SNX15: variants seen among roughly 807,000 people sequenced by gnomAD.
SNX15 encodes sorting nexin 15.
SNX15 carries 29 observed loss-of-function variants against 35.2 expected under a neutral mutation model. The observed-to-expected ratio is 0.82, with a 90% CI of 0.61 to 1.12. The LOEUF (loss-of-function observed/expected upper bound fraction) is 1.12, where lower values mean the gene tolerates loss of function less well. SNX15 is among the 50% of genes most tolerant of loss of function. The probability of loss-of-function intolerance (pLI) is 0.00; values close to 1 mark genes in which losing one functional copy is unlikely to be tolerated. For synonymous variants in SNX15, 189 were observed against 188.2 expected, an observed-to-expected ratio of 1.00 and a Z score of -0.03; for missense variants, 400 against 451.5, an observed-to-expected ratio of 0.89 and a Z score of 1.03.
chr11:65,035,720 GGAGGGCA>G lies in SNX15; in HGVS notation c.664+61_664+67del, dbSNP rs1402074612. ...GGGCAGGACGTCCTTGGGACAGGGA[GGAGGGCA>G]GAGCCCCACTAGCCTGCTCAGTGCC... On this transcript the variant is annotated intron_variant, in intron 6 of 7. Coordinates refer to ENST00000377244, the MANE Select transcript of SNX15 (RefSeq NM_013306.5). The G allele has an allele frequency of 3.9e-6, 6 of 1,543,352 alleles. No individual in the cohort carries two copies. The East Asian group carries it at 1.1e-4, about 29-fold the overall frequency.
intron 1 of SNX15, among the ~76,000 whole-genome samples, chr11:65,028,183 ACAT>A (rs1946396610): frequency 6.6e-6 from 1 of 152,220 alleles, no homozygotes; most frequent in South Asian, 2.1e-4. Context: ...AGCGATAACA[ACAT>A]CATAAGCACA....
At chr11:65,028,917 C>T (rs551287378) in intron 1 of SNX15, among the ~76,000 whole-genome samples, 21 of 151,746 alleles carry the variant, frequency 1.4e-4, no homozygotes, top group Admixed American at 7.9e-4. Context: ...CATGGTGAAA[C>T]CCCATCTCTA....
intron 1 of SNX15, among the ~76,000 whole-genome samples, chr11:65,030,174 G>A (rs1946425012): frequency 6.6e-6 from 1 of 151,836 alleles, no homozygotes; most frequent in South Asian, 2.1e-4. Context: ...GGCCAACATG[G>A]TGAAACCCCG....
In SNX15 at chr11:65,038,447, T is replaced by C. The variant is rs1946528080; in HGVS notation, c.665-125T>C. On this transcript the variant is annotated intron_variant, in intron 6 of 7. Transcript: ENST00000377244. ...TCCACAGACGACTTCTGGATTGCTCTGGCATTGGTCCCCTCTACTGGGGAC... is the reference window on the plus strand; with the variant it reads ...TCCACAGACGACTTCTGGATTGCTCCGGCATTGGTCCCCTCTACTGGGGAC... 6.9e-6 allele frequency: 9 copies of C among 1,298,288 alleles called. No homozygotes were observed. The South Asian group carries it at 1.1e-4, about 16-fold the overall frequency. 80.4% of individuals were successfully genotyped at this position (1,298,288 alleles called of 1,614,324 possible). A position where few individuals can be genotyped will look rare whatever the true frequency, so the allele number is the denominator to read the frequency against.
chr11:65,039,528 C>T (rs915207743), intron 7 of SNX15, among the ~76,000 whole-genome samples, 158 bp from the exon 8 acceptor site: 2 of 152,176 alleles, frequency 1.3e-5, no homozygotes, highest in African/African-American at 4.8e-5. Flanking sequence ...AGCATGGCCT[C>T]AGTTTTCTTA....
intron 1 of SNX15, among the ~76,000 whole-genome samples, chr11:65,028,405 G>A (rs76092837): frequency 0.03 from 4,582 of 152,262 alleles, 97 homozygotes; most frequent in African/African-American, 0.051. Context: ...TTAAGCTGGT[G>A]CATTAGTTAA....
intron 1 of SNX15, among the ~76,000 whole-genome samples, 181 bp from the exon 2 acceptor site, chr11:65,031,987 G>T (rs74719869): frequency 6.6e-6 from 1 of 152,326 alleles, no homozygotes; most frequent in South Asian, 2.1e-4. Flanking sequence ...GAGGTACATA[G>T]TAGGAAAAGT....
intron 1 of SNX15, among the ~76,000 whole-genome samples, chr11:65,031,835 G>A (rs1946442702): frequency 6.6e-6 from 1 of 152,082 alleles, no homozygotes; most frequent in Non-Finnish European, 1.5e-5. Context: ...AGGCAGAGGT[G>A]GCAGTGAGCC....
chr11:65,035,967 G>A (rs1434430882), intron 6 of SNX15: 2 of 295,362 alleles, frequency 6.8e-6, no homozygotes, highest in Non-Finnish European at 1.2e-5. Context: ...CACTGCTCTG[G>A]GACATTTTAG....
chr11:65,033,344 ACCAGCCTGG>A (rs1946462371), intron 3 of SNX15, among the ~76,000 whole-genome samples: 1 of 150,910 alleles, frequency 6.6e-6, no homozygotes, highest in South Asian at 2.2e-4. Flanking sequence ...GGAGTTTGAG[ACCAGCCTGG>A]CCAACGTGGT....
rs1320564359 is a variant in SNX15 at position 65,027,625 on chromosome 11, G to T, written c.88G>T (p.Val30Leu). The stretch of plus-strand genomic sequence containing the variant: ...CCCCAAGGGCTACACCGAGTACAAA[G>T]TAACCGCGCAGGTGAGGTGGGGCCC... ...THPKGYTEYK[V>L]TAQFISKKDP... is the part of the protein sequence containing the mutation. Residue 30 changes from valine (V) to leucine (L), a missense_variant, in exon 1 of 8, where the codon GTA becomes TTA. Val to Leu is a conservative substitution (Grantham distance 32). Transcript: ENST00000377244. 1 of 1,613,526 alleles carries T rather than the reference G, an allele frequency of 6.2e-7. No homozygotes were observed. The highest frequency in any genetic ancestry group is 8.5e-7 in the Non-Finnish European group (1 of 1,179,628).
At chr11:65,037,463 C>G (rs943776363) in intron 6 of SNX15, 3 of 152,314 alleles carry the variant, frequency 2.0e-5, no homozygotes, top group Non-Finnish European at 2.9e-5. Context: ...AAGTAGTCCT[C>G]CCACCTCAGC....
chr11:65,027,759 G>C, intron 1 of SNX15, 123 bp downstream of exon 1: 2 of 729,266 alleles, frequency 2.7e-6, no homozygotes, highest in Admixed American at 4.8e-5. Flanking sequence ...TCCCCTTTAA[G>C]GGGAGGTTGC....
intron 6 of SNX15, chr11:65,036,161 C>T (rs573691486): frequency 1.3e-5 from 2 of 153,332 alleles, no homozygotes; most frequent in East Asian, 3.9e-4. Flanking sequence ...AGAAGGGCCC[C>T]CCCAATGGAG....
At position 65,035,501 on chromosome 11, in the gene SNX15, C is replaced by G. The variant is rs778180099; in HGVS notation, c.521-19C>G. 1.3e-6 allele frequency: 2 copies of G among 1,568,472 alleles called. No homozygotes were observed. The highest frequency in any genetic ancestry group is 8.6e-7 in the Non-Finnish European group (1 of 1,160,998). The stretch of plus-strand genomic sequence containing the variant: ...GAAATAAACGCAGGTATTCATGACC[C>G]CACTTATCTCTTCCTCAGTGGACCC... On this transcript the variant is annotated intron_variant, in intron 5 of 7. Coordinates refer to ENST00000377244, the MANE Select transcript of SNX15 (RefSeq NM_013306.5).
At chr11:65,028,960 G>A (rs1051383352) in intron 1 of SNX15, among the ~76,000 whole-genome samples, 15 of 151,836 alleles carry the variant, frequency 9.9e-5, no homozygotes, top group African/African-American at 3.1e-4. Context: ...GCGTGGCAGC[G>A]TGCACCTGTA....
intron 6 of SNX15, chr11:65,037,264 A>G (rs1590742468): frequency 6.6e-6 from 1 of 151,932 alleles, no homozygotes; most frequent in Non-Finnish European, 1.5e-5. Flanking sequence ...ACCAGGCTAG[A>G]GGGCAGTGGT....
chr11:65,030,275 A>T (rs1319067645), intron 1 of SNX15, among the ~76,000 whole-genome samples: 1 of 151,282 alleles, frequency 6.6e-6, no homozygotes, highest in Non-Finnish European at 1.5e-5. Flanking sequence ...GAATTGCTTG[A>T]ACCCGGGAGG....
intron 1 of SNX15, among the ~76,000 whole-genome samples, chr11:65,030,076 G>T (rs1427211449): frequency 6.6e-6 from 1 of 152,000 alleles, no homozygotes; most frequent in Admixed American, 6.6e-5. Flanking sequence ...TTTTGTAGAG[G>T]CTGGGCGTGG....
Sources: allele counts gnomAD v4.1 joint callset (sites outside exome capture counted in the v4.1 genomes callset), GRCh38; gene constraint gnomAD v4.1.1; transcripts MANE v1.5; gene names NCBI Gene and HGNC (gene_info 2026-07-23, HGNC 2026-07-21).